PRKN: variants seen among roughly 807,000 people sequenced by gnomAD.
PRKN encodes the protein parkin RBR E3 ubiquitin protein ligase, also known as E3 ubiquitin-protein ligase parkin.
PRKN carries 56 observed loss-of-function variants against 59.5 expected under a neutral mutation model. The ratio of observed to expected loss-of-function variants is 0.94; its 90% confidence interval spans 0.76 to 1.18. PRKN has a LOEUF of 1.18. PRKN is among the 50% of genes most tolerant of loss of function. PRKN has a pLI of 0.00. For synonymous variants in PRKN, 250 were observed against 222.1 expected (o/e 1.13, Z -1.12); for missense variants, 657 against 596.4 (o/e 1.10, Z -1.06).
At chr6:162,458,732 T>C (rs895991686) in intron 1 of PRKN, among the ~76,000 whole-genome samples, 2 of 151,954 alleles carry the variant, frequency 1.3e-5, no homozygotes, top group Non-Finnish European at 2.9e-5. Flanking sequence ...ATAGGATAAA[T>C]TTATTTCACT....
At chr6:161,394,599 G>A (rs1449156534) in intron 9 of PRKN, among the ~76,000 whole-genome samples, 3 of 152,114 alleles carry the variant, frequency 2.0e-5, no homozygotes, top group Non-Finnish European at 4.4e-5. Context: ...GCGCGTGCAC[G>A]TAACCATCCC....
rs1789389014 is a variant in PRKN at position 161,444,340 on chromosome 6, G to A, written c.1084-57463C>T. ...TTAAAGACACATTCTCTGATGAACAGAATGTGCTCTGTAATGGGTTTAGCC... is the reference window on the plus strand; with the variant it reads ...TTAAAGACACATTCTCTGATGAACAAAATGTGCTCTGTAATGGGTTTAGCC... On this transcript the variant is annotated intron_variant, in intron 9 of 11. Coordinates refer to ENST00000366898, the MANE Select transcript of PRKN (RefSeq NM_004562.3). The surrounding 1 kb of genome is among the most constrained non-coding windows in gnomAD (Gnocchi z 5.6). Among the ~76,000 whole-genome samples the A allele has an allele frequency of 1.3e-5, 2 of 152,216 alleles. No individual in the cohort carries two copies. Among genetic ancestry groups the A allele is most frequent in the African/African-American group, 2.4e-5 (1 of 41,460 alleles).
At chr6:162,618,921 G>A (rs1211253776) in intron 1 of PRKN, among the ~76,000 whole-genome samples, 1 of 152,134 alleles carries the variant, frequency 6.6e-6, no homozygotes, top group Admixed American at 6.6e-5. Flanking sequence ...AGGAACAGCT[G>A]GATGACTCCA....
At chr6:162,559,150 C>CAA (rs67508754) in intron 1 of PRKN, among the ~76,000 whole-genome samples, 9,899 of 102,104 alleles carry the variant, frequency 0.097, 814 homozygotes, top group South Asian at 0.2. Flanking sequence ...GATTCCGTCT[C>CAA]AAAAAAAAAA....
intron 1 of PRKN, among the ~76,000 whole-genome samples, chr6:162,686,626 G>A (rs958713013): frequency 1.6e-4 from 24 of 152,106 alleles, no homozygotes; most frequent in Non-Finnish European, 3.5e-4. Flanking sequence ...TTAAAAGGTA[G>A]CCTAGCTAGG....
At chr6:162,441,748 C>CA (rs1562767348) in intron 2 of PRKN, among the ~76,000 whole-genome samples, 1 of 152,114 alleles carries the variant, frequency 6.6e-6, no homozygotes, top group Non-Finnish European at 1.5e-5. Context: ...AAGTGTTTGT[C>CA]AAAATAGACT....
At chr6:161,677,836 C>T (rs568846300) in intron 7 of PRKN, among the ~76,000 whole-genome samples, 6 of 152,290 alleles carry the variant, frequency 3.9e-5, no homozygotes, top group African/African-American at 2.4e-5. Context: ...GAAAACTTCT[C>T]CTTCACTGTG....
At chr6:161,904,878 G>A (rs898250442) in intron 6 of PRKN, among the ~76,000 whole-genome samples, 2 of 152,132 alleles carry the variant, frequency 1.3e-5, no homozygotes, top group African/African-American at 2.4e-5. Flanking sequence ...GTCTGATGTG[G>A]GGGGAGTCAG....
chr6:162,627,375 G>A (rs1421015339), intron 1 of PRKN, among the ~76,000 whole-genome samples: 1 of 152,200 alleles, frequency 6.6e-6, no homozygotes, highest in African/African-American at 2.4e-5. Context: ...CTCAATGTTT[G>A]TCATAGGAAA....
At chr6:162,712,815 G>T (rs571644037) in intron 1 of PRKN, among the ~76,000 whole-genome samples, 200 of 152,268 alleles carry the variant, frequency 1.3e-3, no homozygotes, top group African/African-American at 4.4e-3. Context: ...GGAAGCAAGA[G>T]AAAACTATTA....
intron 5 of PRKN, among the ~76,000 whole-genome samples, chr6:162,043,423 G>C (rs1784139421): frequency 6.6e-6 from 1 of 152,170 alleles, no homozygotes; most frequent in Non-Finnish European, 1.5e-5. Flanking sequence ...TGAAAGCCAA[G>C]GAAGCTTCAT....
At chr6:162,290,585 A>G (rs1220095221) in intron 2 of PRKN, among the ~76,000 whole-genome samples, 2 of 152,182 alleles carry the variant, frequency 1.3e-5, no homozygotes, top group African/African-American at 2.4e-5. Flanking sequence ...TGCCTCATGT[A>G]TATTTCTCCA....
intron 5 of PRKN, among the ~76,000 whole-genome samples, chr6:162,039,472 T>G (rs1236634288): frequency 6.6e-6 from 1 of 152,176 alleles, no homozygotes; most frequent in East Asian, 1.9e-4. Context: ...TTGGTTCTCC[T>G]GAGAACTGGT....
chr6:161,864,921 T>C, intron 6 of PRKN, among the ~76,000 whole-genome samples: 1 of 152,200 alleles, frequency 6.6e-6, no homozygotes, highest in South Asian at 2.1e-4. Context: ...CACAAAGTGC[T>C]GGGATTACAG....
At chr6:161,605,975 C>T (rs1782266944) in intron 7 of PRKN, among the ~76,000 whole-genome samples, 1 of 152,090 alleles carries the variant, frequency 6.6e-6, no homozygotes, top group South Asian at 2.1e-4. Context: ...TCCTCAGGAA[C>T]CAACCATAAG....
chr6:161,690,510 TACATCC>T (rs1785739438), intron 7 of PRKN, among the ~76,000 whole-genome samples: 1 of 152,230 alleles, frequency 6.6e-6, no homozygotes. Context: ...GTTAATTTTA[TACATCC>T]ACTTGACAAA....
At chr6:161,537,683 C>A (rs143218442) in intron 9 of PRKN, among the ~76,000 whole-genome samples, 110 of 152,246 alleles carry the variant, frequency 7.2e-4, no homozygotes, top group Non-Finnish European at 1.3e-3. Context: ...GATCTCCTGA[C>A]CTCGTGATCC....
chr6:161,640,281 A>G (rs1260568526), intron 7 of PRKN, among the ~76,000 whole-genome samples: 1 of 152,228 alleles, frequency 6.6e-6, no homozygotes, highest in East Asian at 1.9e-4. Context: ...GAAAGAAGCT[A>G]TTATACGTCT....
At chr6:162,497,841 A>G (rs1294183983) in intron 1 of PRKN, among the ~76,000 whole-genome samples, 2 of 152,234 alleles carry the variant, frequency 1.3e-5, no homozygotes, top group African/African-American at 2.4e-5. Context: ...CTAGTTTTCA[A>G]TAGCACAGCA....
Sources: allele counts gnomAD v4.1 joint callset (sites outside exome capture counted in the v4.1 genomes callset), GRCh38; gene constraint gnomAD v4.1.1; non-coding constraint Gnocchi (gnomAD v3.1); transcripts MANE v1.5; gene names NCBI Gene and HGNC (gene_info 2026-07-23, HGNC 2026-07-21).